DIP2C: variants seen among roughly 807,000 people sequenced by gnomAD.
DIP2C encodes disco-interacting protein 2 homolog C.
In DIP2C, 33 loss-of-function variants were observed where a neutral mutation model predicts 192.4. The ratio of observed to expected loss-of-function variants is 0.17; its 90% CI spans 0.13 to 0.23. The LOEUF (loss-of-function observed/expected upper bound fraction) is 0.23, where lower values mean the gene tolerates loss of function less well. Ranked by LOEUF, DIP2C falls within the 10% of genes least tolerant of loss-of-function variation. The pLI, the probability that DIP2C is intolerant of heterozygous loss-of-function variation, is 1.00. For missense variants in DIP2C, 1,537 were observed against 2,110.1 expected (o/e 0.73, Z 5.32); for synonymous variants, 979 against 864.1 (o/e 1.13, Z -2.33).
chr10:292,714 G>A (rs1195926295), intron 32 of DIP2C, among the ~76,000 whole-genome samples: 1 of 152,210 alleles, frequency 6.6e-6, no homozygotes, highest in African/African-American at 2.4e-5. Context: ...GGGAACAGGT[G>A]GGAAGGTGCT....
intron 16 of DIP2C, 145 bp from the exon 17 acceptor site, chr10:382,906 TTA>T (rs1962509424): frequency 3.9e-6 from 2 of 515,574 alleles, no homozygotes; most frequent in Admixed American, 3.8e-5. Flanking sequence ...AATTTATTAT[TTA>T]TGTTACACTG....
chr10:608,241 CCACA>C (rs1284588652), intron 1 of DIP2C, among the ~76,000 whole-genome samples: 1 of 21,714 alleles, frequency 4.6e-5, no homozygotes. Context: ...ACAGCCCCCC[CCACA>C]CACACCCCCA....
intron 1 of DIP2C, among the ~76,000 whole-genome samples, chr10:649,273 C>T (rs544608409): frequency 1.3e-4 from 20 of 150,164 alleles, no homozygotes; most frequent in African/African-American, 3.7e-4. Context: ...ACTGAGTCCA[C>T]GTCAACATTT....
chr10:434,427 G>A (rs1166725312), intron 4 of DIP2C, among the ~76,000 whole-genome samples: 1 of 152,062 alleles, frequency 6.6e-6, no homozygotes. Context: ...GGGACTACAG[G>A]TGTCAGCCAC....
Position 389,121 on chromosome 10 carries a change from G to C in DIP2C, c.1597+870C>G, listed in dbSNP as rs202040354. Among the ~76,000 whole-genome samples, 94 of 144,478 alleles carry C rather than the reference G, an allele frequency of 6.5e-4. 1 individual carries two copies. The East Asian group carries it at 0.017, about 27-fold the overall frequency. The allele number at this position is 144,478 out of a possible 152,430, so 94.8% of individuals were successfully genotyped here. On this transcript the variant is annotated intron_variant, in intron 13 of 36. Coordinates refer to ENST00000280886, the MANE Select transcript of DIP2C (RefSeq NM_014974.3). The stretch of plus-strand genomic sequence containing the variant: ...CTCTGAGGTCTCAAGGGGCCTTGGG[G>C]CATCCCAAGGGATCTCAGGGGCATG...
At chr10:387,115 CG>C (rs754386262) in intron 14 of DIP2C, among the ~76,000 whole-genome samples, 1 of 152,216 alleles carries the variant, frequency 6.6e-6, no homozygotes, top group Non-Finnish European at 1.5e-5. Context: ...ACCAGATGTA[CG>C]GGACAGTAGC....
At chr10:303,685 G>A (rs1298486743) in intron 32 of DIP2C, among the ~76,000 whole-genome samples, 8 of 151,910 alleles carry the variant, frequency 5.3e-5, no homozygotes, top group East Asian at 3.9e-4. Flanking sequence ...CACCACGCCC[G>A]GCTGATTTTG....
chr10:335,120 T>C (rs1459886648), intron 29 of DIP2C, among the ~76,000 whole-genome samples: 1 of 152,186 alleles, frequency 6.6e-6, no homozygotes, highest in East Asian at 1.9e-4. Flanking sequence ...TCTTAAAAAA[T>C]ATTTTGAAAC....
intron 36 of DIP2C, 106 bp downstream of exon 36, chr10:281,094 T>C (rs576716686): frequency 1.9e-5 from 28 of 1,499,186 alleles, no homozygotes; most frequent in Non-Finnish European, 2.5e-5. Flanking sequence ...TCGCACCCCC[T>C]TCCCTACCTT....
At chr10:566,433 TAC>T (rs1252722481) in intron 1 of DIP2C, among the ~76,000 whole-genome samples, 1 of 152,178 alleles carries the variant, frequency 6.6e-6, no homozygotes, top group South Asian at 2.1e-4. Context: ...CCTGGAGTGT[TAC>T]AGTTGCCTTT....
Position 447,021 on chromosome 10 carries a change from C to T in DIP2C, c.269-6025G>A, listed in dbSNP as rs970986386. ...GTAAAAAGCTTCGGCATCTATATGT[C>T]AAGAAGAGTGAAAAGTGTGAGATTT... On this transcript the variant is annotated intron_variant, in intron 3 of 36. Coordinates refer to ENST00000280886, the MANE Select transcript of DIP2C (RefSeq NM_014974.3). Among the ~76,000 whole-genome samples, 4 of 152,176 alleles carry T rather than the reference C, an allele frequency of 2.6e-5. No individual in the cohort carries two copies. In the South Asian group the frequency reaches 8.3e-4, roughly 32 times the overall value.
intron 4 of DIP2C, among the ~76,000 whole-genome samples, chr10:436,101 G>A (rs116673686): frequency 0.016 from 2,505 of 152,194 alleles, 77 homozygotes; most frequent in African/African-American, 0.057. Flanking sequence ...TTCACACAGC[G>A]AATTCAGTTC....
chr10:375,681 T>TCATGAC (rs1429799271), intron 17 of DIP2C, among the ~76,000 whole-genome samples: 2 of 152,212 alleles, frequency 1.3e-5, no homozygotes, highest in East Asian at 3.9e-4. Context: ...CATCTGCAGT[T>TCATGAC]TGCTACTCCT....
At chr10:650,086 A>G in intron 1 of DIP2C, 2 of 715,804 alleles carry the variant, frequency 2.8e-6, no homozygotes, top group East Asian at 5.4e-5. Context: ...CAGGAGAGAA[A>G]ATAGCTTGAC....
chr10:534,665 A>ATTT (rs1185714723), intron 1 of DIP2C, among the ~76,000 whole-genome samples: 2 of 123,830 alleles, frequency 1.6e-5, no homozygotes, highest in African/African-American at 6.6e-5. Context: ...CTGCTGGATG[A>ATTT]TTATTATTTT....
intron 1 of DIP2C, among the ~76,000 whole-genome samples, chr10:500,328 G>A (rs1845135361): frequency 3.9e-5 from 6 of 152,278 alleles, no homozygotes; most frequent in Admixed American, 3.9e-4. Context: ...TGCTCCAGCA[G>A]ACGTTATACA....
At chr10:342,077 C>T (rs1014943059) in intron 28 of DIP2C, among the ~76,000 whole-genome samples, 2 of 152,170 alleles carry the variant, frequency 1.3e-5, no homozygotes, top group African/African-American at 4.8e-5. Context: ...GTTGGTCCTC[C>T]AGGACCTAGC....
At chr10:387,682 G>A (rs1963084246) in intron 14 of DIP2C, 63 bp downstream of exon 14, 1 of 1,474,462 alleles carries the variant, frequency 6.8e-7, no homozygotes, top group Non-Finnish European at 9.4e-7. Context: ...CTCCTGTGTG[G>A]ACAGGCAGGG....
At chr10:357,455 TGC>T (rs1422603565) in intron 23 of DIP2C, among the ~76,000 whole-genome samples, 1 of 152,234 alleles carries the variant, frequency 6.6e-6, no homozygotes, top group Non-Finnish European at 1.5e-5. Context: ...GGACAAGGAC[TGC>T]CAGACATTTG....
Sources: allele counts gnomAD v4.1 joint callset (sites outside exome capture counted in the v4.1 genomes callset), GRCh38; gene constraint gnomAD v4.1.1; transcripts MANE v1.5; gene names NCBI Gene and HGNC (gene_info 2026-07-23, HGNC 2026-07-21).